Variants in COMMD10 observed in about 807,000 individuals in gnomAD.
COMMD10 encodes COMM domain-containing protein 10.
In COMMD10, 33 loss-of-function variants were observed where a neutral mutation model predicts 28.9. That is an observed-to-expected ratio of 1.14 (90% CI 0.87 to 1.53). COMMD10 has a LOEUF of 1.53. Among genes scored for constraint, COMMD10 ranks in the 40% most tolerant of loss-of-function variants. The probability of loss-of-function intolerance (pLI) is 0.00; values close to 1 mark genes in which losing one functional copy is unlikely to be tolerated. For synonymous variants in COMMD10, 110 were observed against 81.7 expected, an observed-to-expected ratio of 1.35 and a Z score of -1.87; for missense variants, 310 against 233.4, an observed-to-expected ratio of 1.33 and a Z score of -2.14.
intron 5 of COMMD10, among the ~76,000 whole-genome samples, chr5:116,236,722 G>T (rs1469117137): frequency 6.6e-6 from 1 of 151,880 alleles, no homozygotes; most frequent in Admixed American, 6.6e-5. Flanking sequence ...GATTTTTAGG[G>T]CTCCAGTAAA....
At chr5:116,154,981 T>A (rs1187965671) in intron 5 of COMMD10, among the ~76,000 whole-genome samples, 1 of 152,130 alleles carries the variant, frequency 6.6e-6, no homozygotes, top group Non-Finnish European at 1.5e-5. Context: ...GCTATTTTTC[T>A]TTAGCAGTTT....
intron 5 of COMMD10, among the ~76,000 whole-genome samples, chr5:116,178,039 G>C (rs914951656): frequency 6.6e-6 from 1 of 152,080 alleles, no homozygotes; most frequent in Non-Finnish European, 1.5e-5. Flanking sequence ...ATACTTGAGA[G>C]TTATTTGGGC....
At chr5:116,147,901 AGTT>A (rs1752397732) in intron 5 of COMMD10, among the ~76,000 whole-genome samples, 1 of 151,852 alleles carries the variant, frequency 6.6e-6, no homozygotes, top group Non-Finnish European at 1.5e-5. Flanking sequence ...ATTGTAAACT[AGTT>A]GTCTTTCCCC....
chr5:116,272,858 T>G (rs1399233801), intron 5 of COMMD10, among the ~76,000 whole-genome samples: 1 of 151,980 alleles, frequency 6.6e-6, no homozygotes, highest in East Asian at 1.9e-4. Flanking sequence ...TTTCTGCTCT[T>G]AATTTCGGTT....
intron 5 of COMMD10, among the ~76,000 whole-genome samples, chr5:116,180,831 G>T (rs555552362): frequency 6.6e-5 from 10 of 151,984 alleles, no homozygotes; most frequent in African/African-American, 2.4e-4. Context: ...TGAGTTTTTT[G>T]TTGTAATTTT....
chr5:116,176,958 T>C (rs1003840786), intron 5 of COMMD10, among the ~76,000 whole-genome samples: 3 of 152,102 alleles, frequency 2.0e-5, no homozygotes, highest in African/African-American at 7.2e-5. Flanking sequence ...TCCCCAAAGT[T>C]AGAGTTCAGA....
At chr5:116,110,511 A>T (rs963950392) in intron 4 of COMMD10, among the ~76,000 whole-genome samples, 2 of 152,244 alleles carry the variant, frequency 1.3e-5, no homozygotes, top group Admixed American at 1.3e-4. Context: ...TTTGGGGGGA[A>T]GATTTTATTA....
intron 5 of COMMD10, among the ~76,000 whole-genome samples, chr5:116,136,273 G>C (rs866782246): frequency 5.9e-5 from 9 of 152,280 alleles, no homozygotes; most frequent in African/African-American, 1.7e-4. Context: ...TCTGTGAACT[G>C]AGTAAGTTAT....
chr5:116,161,032 AAT>A (rs1408414959), intron 5 of COMMD10, among the ~76,000 whole-genome samples: 2 of 152,100 alleles, frequency 1.3e-5, no homozygotes, highest in Non-Finnish European at 2.9e-5. Context: ...GCTTTGAAAA[AAT>A]ATCTCATTTC....
chr5:116,173,621 C>T (rs114587545), intron 5 of COMMD10, among the ~76,000 whole-genome samples: 2,292 of 152,128 alleles, frequency 0.015, 62 homozygotes, highest in African/African-American at 0.052. Context: ...TTAATTTTTA[C>T]CTCTTCAGCT....
At chr5:116,193,008 C>T (rs1489203463) in intron 5 of COMMD10, among the ~76,000 whole-genome samples, 8 of 152,206 alleles carry the variant, frequency 5.3e-5, no homozygotes, top group Non-Finnish European at 1.2e-4. Context: ...GCCTTATCTT[C>T]AGCCTCCTCA....
At chr5:116,264,917 T>C (rs1343602989) in intron 5 of COMMD10, among the ~76,000 whole-genome samples, 1 of 151,890 alleles carries the variant, frequency 6.6e-6, no homozygotes, top group African/African-American at 2.4e-5. Context: ...GTCCTAAAAA[T>C]CTCAGATACT....
chr5:116,130,079 C>A (rs917698333), intron 4 of COMMD10, among the ~76,000 whole-genome samples: 1 of 151,412 alleles, frequency 6.6e-6, no homozygotes, highest in Non-Finnish European at 1.5e-5. Context: ...ATAGAAAAGG[C>A]TCTGGAAATT....
chr5:116,158,077 C>T (rs1466557270), intron 5 of COMMD10, among the ~76,000 whole-genome samples: 2 of 151,382 alleles, frequency 1.3e-5, no homozygotes, highest in Admixed American at 6.6e-5. Context: ...CTTGTTAACT[C>T]TCCAAGGCCT....
At chr5:116,218,242 C>A in intron 5 of COMMD10, 1 of 750,606 alleles carries the variant, frequency 1.3e-6, no homozygotes. Context: ...GTGGTTCGTC[C>A]TTTACCTTGG....
At chr5:116,185,885 C>T (rs892935705) in intron 5 of COMMD10, among the ~76,000 whole-genome samples, 1 of 152,096 alleles carries the variant, frequency 6.6e-6, no homozygotes, top group African/African-American at 2.4e-5. Context: ...TCAGTGTCTG[C>T]AAGTTCTTTT....
intron 5 of COMMD10, among the ~76,000 whole-genome samples, chr5:116,229,036 G>T (rs1425196873): frequency 6.6e-6 from 1 of 151,968 alleles, no homozygotes; most frequent in African/African-American, 2.4e-5. Flanking sequence ...GAGTAGAGAA[G>T]TTTCACATTA....
At chr5:116,223,617 C>G (rs1332155554) in intron 5 of COMMD10, among the ~76,000 whole-genome samples, 1 of 152,092 alleles carries the variant, frequency 6.6e-6, no homozygotes, top group African/African-American at 2.4e-5. Context: ...AAATTTGTGC[C>G]AGACTATAAG....
intron 5 of COMMD10, among the ~76,000 whole-genome samples, chr5:116,140,082 G>A (rs1752148513): frequency 6.6e-6 from 1 of 151,144 alleles, no homozygotes; most frequent in African/African-American, 2.4e-5. Context: ...GTTCTAATAG[G>A]CATTTTTAAA....
Sources: gnomAD v4.1 joint callset for allele counts (sites outside exome capture counted in the v4.1 genomes callset) on GRCh38, gnomAD v4.1.1 for gene constraint, MANE v1.5 for transcripts, NCBI Gene and HGNC (gene_info 2026-07-23, HGNC 2026-07-21) for gene names.